WDR4: variants seen among roughly 807,000 people sequenced by gnomAD.
The protein encoded by WDR4 is tRNA (guanine-N(7)-)-methyltransferase non-catalytic subunit WDR4.
Under a neutral mutation model 48.6 loss-of-function variants are expected in WDR4, and 47 were observed. That is an observed-to-expected ratio of 0.97 (90% CI 0.77 to 1.23). The LOEUF is 1.23. Among genes scored for constraint, WDR4 ranks in the 50% most tolerant of loss-of-function variants. The pLI, the probability that WDR4 is intolerant of heterozygous loss-of-function variation, is 0.00. For synonymous variants in WDR4, 268 were observed against 230.0 expected (o/e 1.17, Z -1.49); for missense variants, 606 against 551.6 (o/e 1.10, Z -0.99).
At chr21:42,879,205 G>A (rs2058572147) in intron 1 of WDR4, 1 of 1,332,716 alleles carries the variant, frequency 7.5e-7, no homozygotes, top group Non-Finnish European at 9.6e-7. Context: ...CGGACGCCGA[G>A]AGCGGACGGC....
the WDR4 span, among the ~76,000 whole-genome samples, chr21:42,886,136 T>A: frequency 6.6e-6 from 1 of 152,074 alleles, no homozygotes; most frequent in African/African-American, 2.4e-5. Context: ...TTTGTATTTT[T>A]AGTAGAGACA....
intron 3 of WDR4, among the ~76,000 whole-genome samples, chr21:42,864,821 A>T (rs2058212337): frequency 6.6e-6 from 1 of 152,096 alleles, no homozygotes; most frequent in South Asian, 2.1e-4. Context: ...AGGGACCCAT[A>T]TGTTCTATTT....
chr21:42,877,472 T>TA (rs34300654), intron 1 of WDR4, among the ~76,000 whole-genome samples: 6,116 of 134,002 alleles, frequency 0.046, 154 homozygotes, highest in South Asian at 0.12. Flanking sequence ...AGCACTTTGT[T>TA]AAAAAAAAAA....
At chr21:42,857,450 G>C (rs1159859637) in intron 6 of WDR4, among the ~76,000 whole-genome samples, 1 of 152,180 alleles carries the variant, frequency 6.6e-6, no homozygotes, top group Non-Finnish European at 1.5e-5. Flanking sequence ...GCCGGCTGGT[G>C]CTGACTCCCA....
the WDR4 span, among the ~76,000 whole-genome samples, chr21:42,890,813 T>TTTC: frequency 1.3e-5 from 2 of 151,494 alleles, no homozygotes; most frequent in Non-Finnish European, 2.9e-5. Context: ...AATAATGTAT[T>TTTC]TGGCCTCTGC....
chr21:42,877,714 T>C (rs2058527631), intron 1 of WDR4, among the ~76,000 whole-genome samples: 1 of 152,158 alleles, frequency 6.6e-6, no homozygotes, highest in Non-Finnish European at 1.5e-5. Flanking sequence ...TAATATGCTA[T>C]TCTTTTAGGC....
At chr21:42,877,473 A>T (rs1301299592) in intron 1 of WDR4, among the ~76,000 whole-genome samples, 1 of 79,716 alleles carries the variant, frequency 1.3e-5, no homozygotes, top group Non-Finnish European at 2.8e-5. Context: ...GCACTTTGTT[A>T]AAAAAAAAAA....
At chr21:42,863,935 G>A (rs1273271668) in intron 3 of WDR4, among the ~76,000 whole-genome samples, 4 of 92,276 alleles carry the variant, frequency 4.3e-5, no homozygotes, top group African/African-American at 2.1e-4. Flanking sequence ...TGAAAACCCC[G>A]TCTCTACTAA....
chr21:42,848,321 G>A (rs75522770), downstream of WDR4, among the ~76,000 whole-genome samples: 8,487 of 146,342 alleles, frequency 0.058, 341 homozygotes, highest in Non-Finnish European at 0.089. Context: ...CACATGCAGC[G>A]CACGGTCACG....
chr21:42,878,901 G>A (rs1050414362), intron 1 of WDR4: 1 of 959,732 alleles, frequency 1.0e-6, no homozygotes, highest in Non-Finnish European at 1.2e-6. Flanking sequence ...AGTGGATGCA[G>A]GCCGGGAAGA....
intron 7 of WDR4, among the ~76,000 whole-genome samples, chr21:42,855,143 AT>A (rs34448564): frequency 4.4e-5 from 6 of 136,466 alleles, no homozygotes; most frequent in African/African-American, 1.2e-4. Flanking sequence ...AAAAAAAAAA[AT>A]TTTTTTTAAA....
chr21:42,856,741 C>T (rs986825418), intron 6 of WDR4, among the ~76,000 whole-genome samples: 102 of 151,934 alleles, frequency 6.7e-4, no homozygotes, highest in African/African-American at 2.1e-3. Flanking sequence ...CTCTGGGTGC[C>T]GAGGTAAGAG....
chr21:42,859,869 G>A, intron 5 of WDR4, 147 bp from the exon 6 acceptor site: 1 of 830,408 alleles, frequency 1.2e-6, no homozygotes, highest in South Asian at 1.6e-5. Context: ...ATGGGAAGTA[G>A]CTGTTAACCC....
rs2057966819 is a variant in WDR4, at chr21:42,855,619, A to G, written c.726+63T>C. 3.1e-6 allele frequency: 4 copies of G among 1,291,242 alleles called. No individual in the cohort carries two copies. In the South Asian group the frequency reaches 5.0e-5, roughly 16 times the overall value. 80.0% of individuals were successfully genotyped at this position (1,291,242 alleles called of 1,614,324 possible). The stretch of plus-strand genomic sequence containing the variant: ...CAACGGCGAAGTGACTTTTCCACTC[A>G]AGTCAGGCGACTGCCGGTGTCTACA... On this transcript the variant is annotated intron_variant, in intron 7 of 10. Transcript: ENST00000398208.
chr21:42,884,121 G>A (rs80052783), upstream of WDR4, among the ~76,000 whole-genome samples: 8,553 of 152,186 alleles, frequency 0.056, 350 homozygotes, highest in Non-Finnish European at 0.088. Flanking sequence ...TTTCATGGCC[G>A]AATAATATTC....
intron 10 of WDR4, 110 bp from the exon 11 acceptor site, chr21:42,850,352 G>A (rs73368706): frequency 2.7e-5 from 27 of 1,015,964 alleles, no homozygotes; most frequent in Middle Eastern, 3.2e-4. Context: ...CAGAGTCCTC[G>A]GTGGACCGTG....
At chr21:42,872,382 G>A (rs560154908) in intron 3 of WDR4, among the ~76,000 whole-genome samples, 6 of 151,938 alleles carry the variant, frequency 3.9e-5, no homozygotes, top group Admixed American at 3.9e-4. Flanking sequence ...GGCTGAGGCG[G>A]GTGGATCACC....
At chr21:42,863,320 G>C (rs907243142) in intron 4 of WDR4, 120 bp downstream of exon 4, 3 of 1,257,398 alleles carry the variant, frequency 2.4e-6, no homozygotes, top group African/African-American at 3.0e-5. Context: ...TAACAGCATG[G>C]ACAGGTGCCT....
chr21:42,864,107 C>CAAAAAAAAAAAAAAAAA (rs776906461), intron 3 of WDR4, among the ~76,000 whole-genome samples: 1 of 50,564 alleles, frequency 2.0e-5, no homozygotes, highest in African/African-American at 1.3e-4. Context: ...GACTCCGTCT[C>CAAAAAAAAAAAAAAAAA]AAAAAAAAAA....
Sources: allele counts gnomAD v4.1 joint callset (sites outside exome capture counted in the v4.1 genomes callset), GRCh38; gene constraint gnomAD v4.1.1; transcripts MANE v1.5; gene names NCBI Gene and HGNC (gene_info 2026-07-23, HGNC 2026-07-21).